Variants in NRXN1 observed in about 807,000 individuals in gnomAD.
NRXN1 encodes neurexin 1.
NRXN1 carries 39 observed loss-of-function variants against 150.9 expected under a neutral mutation model. The observed-to-expected ratio is 0.26, with a 90% CI of 0.20 to 0.34. NRXN1 has a LOEUF of 0.34. Among genes scored for constraint, NRXN1 ranks in the 10% least tolerant of loss-of-function variants. The pLI is 1.00. For missense variants in NRXN1, 1,815 were observed against 1,949.9 expected, an observed-to-expected ratio of 0.93 and a Z score of 1.30; for synonymous variants, 924 against 757.0, an observed-to-expected ratio of 1.22 and a Z score of -3.62.
chr2:50,472,585 A>C, intron 15 of NRXN1, 114 bp from the exon 16 acceptor site: 1 of 742,494 alleles, frequency 1.3e-6, no homozygotes, highest in Non-Finnish European at 2.1e-6. Context: ...ATAAAAAATT[A>C]ATTTATGACT....
At position 50,531,299 on chromosome 2, in the gene NRXN1, T is replaced by C; in HGVS notation, c.2275A>G (p.Thr759Ala). ...QRAYGILMAT[T>A]SRDSADTLRL... ...AGGGTGTCAGCAGAGTCTCTAGAAG[T>C]GGTTGCCATCAGAATGCCATATGCA... Residue 759 changes from threonine to alanine, a missense_variant, in exon 11 of 23, where the codon ACT becomes GCT. Around this residue, in one of 6 missense-constraint regions of NRXN1, gnomAD observed 638 missense variants for 652.6 expected, o/e 0.98. Transcript: ENST00000401669. 1.9e-6 allele frequency: 3 copies of C among 1,613,616 alleles called. No individual in the cohort carries two copies. Among genetic ancestry groups the C allele is most frequent in the South Asian group, 2.2e-5 (2 of 91,022 alleles).
At chr2:50,433,326 A>G (rs1003238978) in intron 17 of NRXN1, among the ~76,000 whole-genome samples, 1 of 152,222 alleles carries the variant, frequency 6.6e-6, no homozygotes, top group Admixed American at 6.5e-5. Flanking sequence ...GTCAATAAAC[A>G]TTTCTTGAAA....
chr2:50,805,285 T>C (rs554958985), intron 5 of NRXN1, among the ~76,000 whole-genome samples: 1 of 152,334 alleles, frequency 6.6e-6, no homozygotes, highest in African/African-American at 2.4e-5. Flanking sequence ...GTGAGGACTT[T>C]AGACATATAA....
intron 2 of NRXN1, among the ~76,000 whole-genome samples, chr2:50,967,206 G>C (rs1463958127): frequency 6.6e-6 from 1 of 151,710 alleles, no homozygotes; most frequent in Non-Finnish European, 1.5e-5. Flanking sequence ...TCTGATAACT[G>C]AATGGAGACA....
At chr2:50,360,292 C>A (rs955475060) in intron 17 of NRXN1, among the ~76,000 whole-genome samples, 1 of 152,136 alleles carries the variant, frequency 6.6e-6, no homozygotes, top group African/African-American at 2.4e-5. Context: ...GGGCCAAATG[C>A]CCAAATCGAA....
intron 5 of NRXN1, among the ~76,000 whole-genome samples, chr2:50,878,094 A>T (rs992814233): frequency 6.6e-6 from 1 of 151,968 alleles, no homozygotes; most frequent in Admixed American, 6.6e-5. Flanking sequence ...GTGAGAAGGA[A>T]CACATACTGC....
At chr2:50,622,335 G>A (rs1680174383) in intron 6 of NRXN1, among the ~76,000 whole-genome samples, 2 of 152,274 alleles carry the variant, frequency 1.3e-5, no homozygotes, top group Admixed American at 6.5e-5. Context: ...TAACAGCTCT[G>A]AAAGAGAGGG....
chr2:50,289,879 A>AT lies in NRXN1; in HGVS notation c.3365-52910dup, dbSNP rs545586065. On this transcript the variant is annotated intron_variant, in intron 17 of 22. Transcript: ENST00000401669. ...CAGCTAACCTTTAGCAAATTCATTA[A>AT]TTTTTTAAAAGGAAAAATATAATAT... Among the ~76,000 whole-genome samples, 59 of 152,276 alleles carry AT rather than the reference A, an allele frequency of 3.9e-4. 1 individual carries two copies. Among genetic ancestry groups the AT allele is most frequent in the Admixed American group, 3.9e-3 (59 of 15,282 alleles).
rs1159527007 is a variant in NRXN1, at chr2:51,027,881, G to C, written c.393C>G (p.Asp131Glu). 6.2e-7 allele frequency: 1 copy of C among 1,612,380 alleles called. No homozygotes were observed. The highest frequency in any genetic ancestry group is 8.5e-7 in the Non-Finnish European group (1 of 1,179,718). Residue 131 changes from aspartate to glutamate, a missense_variant, in exon 2 of 23, where the codon GAC (aspartate) becomes GAG (glutamate). Transcript: ENST00000401669. ...RQFRNTTLFI[D>E]QVEAKWVEVK... ...CCTCCACCCACTTGGCCTCCACCTG[G>C]TCGATGAAGAGCGTGGTGTTGCGGA...
At chr2:50,632,935 A>G (rs1338736096) in intron 5 of NRXN1, 1 of 152,072 alleles carries the variant, frequency 6.6e-6, no homozygotes, top group Non-Finnish European at 1.5e-5. Context: ...CTCAATTTTT[A>G]TTCTCAACAT....
At chr2:50,970,316 C>T (rs1203189094) in intron 2 of NRXN1, among the ~76,000 whole-genome samples, 1 of 152,018 alleles carries the variant, frequency 6.6e-6, no homozygotes, top group Non-Finnish European at 1.5e-5. Context: ...AAAACTTTAG[C>T]TTCTGAGGCT....
intron 22 of NRXN1, among the ~76,000 whole-genome samples, chr2:49,940,443 T>A (rs1322321124): frequency 6.6e-6 from 1 of 152,222 alleles, no homozygotes; most frequent in Non-Finnish European, 1.5e-5. Flanking sequence ...TATTATTTTA[T>A]GTTTGCATTC....
intron 5 of NRXN1, among the ~76,000 whole-genome samples, chr2:50,727,534 T>A (rs1697537639): frequency 2.0e-5 from 3 of 152,034 alleles, no homozygotes; most frequent in African/African-American, 7.2e-5. Flanking sequence ...AAAAAATAGA[T>A]CATGATGATC....
At chr2:50,384,937 C>G (rs1254708801) in intron 17 of NRXN1, among the ~76,000 whole-genome samples, 1 of 152,086 alleles carries the variant, frequency 6.6e-6, no homozygotes, top group African/African-American at 2.4e-5. Context: ...GAACAGCCTT[C>G]CAATCAATGT....
At chr2:50,223,940 T>C (rs2064121914) in intron 18 of NRXN1, among the ~76,000 whole-genome samples, 1 of 151,920 alleles carries the variant, frequency 6.6e-6, no homozygotes, top group Non-Finnish European at 1.5e-5. Flanking sequence ...AATACCCTCC[T>C]AGCAGTATTA....
chr2:50,599,837 C>G (rs114258444), intron 8 of NRXN1, among the ~76,000 whole-genome samples: 12 of 152,142 alleles, frequency 7.9e-5, no homozygotes, highest in Non-Finnish European at 1.6e-4. Context: ...TGCATTTTTA[C>G]AAGGTACAAA....
At chr2:50,150,458 T>G (rs2058630854) in intron 18 of NRXN1, among the ~76,000 whole-genome samples, 1 of 151,786 alleles carries the variant, frequency 6.6e-6, no homozygotes, top group African/African-American at 2.4e-5. Flanking sequence ...TGCAAACCAC[T>G]TACCTACTGA....
At chr2:50,147,800 T>C (rs964156707) in intron 18 of NRXN1, among the ~76,000 whole-genome samples, 7 of 151,714 alleles carry the variant, frequency 4.6e-5, no homozygotes, top group African/African-American at 1.4e-4. Flanking sequence ...GAAAAGCAAA[T>C]ACAAAACAGT....
At chr2:50,660,517 A>G (rs999570412) in intron 5 of NRXN1, among the ~76,000 whole-genome samples, 3 of 152,058 alleles carry the variant, frequency 2.0e-5, no homozygotes, top group African/African-American at 4.8e-5. Flanking sequence ...AGTACCATTA[A>G]TCTGTTTTGG....
Sources: gnomAD v4.1 joint callset for allele counts (sites outside exome capture counted in the v4.1 genomes callset) on GRCh38, gnomAD v4.1.1 for gene constraint, gnomAD v4.1.1 regional missense constraint, MANE v1.5 for transcripts, NCBI Gene and HGNC (gene_info 2026-07-23, HGNC 2026-07-21) for gene names.